The following ACOXL variants were observed in gnomAD, a reference collection of about 807,000 sequenced individuals.
ACOXL encodes the protein acyl-coenzyme A oxidase-like protein.
ACOXL carries 70 observed loss-of-function variants against 71.9 expected under a neutral mutation model. The ratio of observed to expected loss-of-function variants is 0.97; its 90% confidence interval spans 0.80 to 1.19. The LOEUF (loss-of-function observed/expected upper bound fraction) is 1.19. ACOXL is among the 50% of genes most tolerant of loss of function. ACOXL has a pLI of 0.00. For missense variants in ACOXL, 703 were observed against 736.3 expected (o/e 0.95, Z 0.52); for synonymous variants, 253 against 281.6 (o/e 0.90, Z 1.02).
At chr2:111,003,540 G>A (rs1436935987) in intron 14 of ACOXL, among the ~76,000 whole-genome samples, 1 of 69,320 alleles carries the variant, frequency 1.4e-5, no homozygotes, top group Non-Finnish European at 2.6e-5. Flanking sequence ...GACAGGGCGA[G>A]ACTCTGTCTC....
intron 3 of ACOXL, among the ~76,000 whole-genome samples, chr2:110,786,572 C>A (rs1683986288): frequency 6.6e-6 from 1 of 152,208 alleles, no homozygotes; most frequent in African/African-American, 2.4e-5. Context: ...CCATGTTGCA[C>A]CCCCACCCTA....
intron 11 of ACOXL, among the ~76,000 whole-genome samples, chr2:110,919,517 T>G (rs1352247722): frequency 6.6e-6 from 1 of 152,072 alleles, no homozygotes; most frequent in Non-Finnish European, 1.5e-5. Context: ...GTAACAAACC[T>G]GCATATTCTG....
chr2:111,088,278 C>A (rs1020321306), intron 16 of ACOXL, among the ~76,000 whole-genome samples: 29 of 152,216 alleles, frequency 1.9e-4, no homozygotes, highest in Non-Finnish European at 1.6e-4. Context: ...TTCAACCCAG[C>A]AATCCCACTA....
chr2:111,064,157 C>T (rs998958715), intron 16 of ACOXL, among the ~76,000 whole-genome samples: 1 of 152,104 alleles, frequency 6.6e-6, no homozygotes, highest in African/African-American at 2.4e-5. Flanking sequence ...ATGTAGTAGG[C>T]GGGGCACAGT....
chr2:111,057,931 T>C (rs2066626845), intron 16 of ACOXL, among the ~76,000 whole-genome samples: 1 of 152,018 alleles, frequency 6.6e-6, no homozygotes, highest in Non-Finnish European at 1.5e-5. Flanking sequence ...CGCCCAGGCG[T>C]GGAGGGTGCA....
chr2:110,925,496 T>C (rs1275304308), intron 11 of ACOXL, among the ~76,000 whole-genome samples: 2 of 152,262 alleles, frequency 1.3e-5, no homozygotes. Flanking sequence ...AGATGGTGTC[T>C]TTCTTTAAAA....
chr2:110,734,627 C>A (rs1676610115), intron 1 of ACOXL, among the ~76,000 whole-genome samples: 1 of 152,074 alleles, frequency 6.6e-6, no homozygotes. Context: ...TCAGTCGCAT[C>A]TGATTAGACA....
chr2:110,942,360 A>G (rs1034919910), intron 12 of ACOXL, among the ~76,000 whole-genome samples: 2 of 152,242 alleles, frequency 1.3e-5, no homozygotes, highest in Admixed American at 1.3e-4. Flanking sequence ...TTAAAAATAA[A>G]TGGATGGGAA....
chr2:111,108,156 GATTAT>G (rs2069674798), intron 17 of ACOXL, among the ~76,000 whole-genome samples: 1 of 152,048 alleles, frequency 6.6e-6, no homozygotes, highest in Admixed American at 6.6e-5. Context: ...TTCTTTAAGA[GATTAT>G]ATTATTATAT....
rs112573851 is a variant in ACOXL, at chr2:111,032,057, G to A, written c.1369+343G>A. Among the ~76,000 whole-genome samples the A allele has an allele frequency of 5.8e-4, 89 of 152,286 alleles. 1 individual carries two copies. The highest frequency in any genetic ancestry group is 1.0e-3 in the Non-Finnish European group (69 of 68,020). ...TGGCCCTCTGCCTGACCATGATCTC[G>A]TTCCTAAACGGGAGGGTGTGCACAC... is the stretch of plus-strand genomic sequence containing the variant. On this transcript the variant is annotated intron_variant, in intron 15 of 17. Coordinates refer to ENST00000439055, the MANE Select transcript of ACOXL (RefSeq NM_001142807.4).
chr2:111,014,647 G>A (rs539623096), intron 14 of ACOXL, among the ~76,000 whole-genome samples: 1 of 152,308 alleles, frequency 6.6e-6, no homozygotes, highest in African/African-American at 2.4e-5. Flanking sequence ...ATGGAAATGT[G>A]AATGGCCTAA....
intron 11 of ACOXL, among the ~76,000 whole-genome samples, chr2:110,912,185 A>G (rs1386419679): frequency 6.6e-6 from 1 of 152,114 alleles, no homozygotes; most frequent in African/African-American, 2.4e-5. Flanking sequence ...TAAGGTGACT[A>G]TACTCCCTAA....
At chr2:110,893,519 T>C (rs1030561784) in intron 10 of ACOXL, among the ~76,000 whole-genome samples, 1 of 152,166 alleles carries the variant, frequency 6.6e-6, no homozygotes, top group East Asian at 1.9e-4. Context: ...AAAATTGATA[T>C]AATCTTTCTG....
chr2:110,808,921 T>C (rs1686985519), intron 9 of ACOXL, among the ~76,000 whole-genome samples: 1 of 152,220 alleles, frequency 6.6e-6, no homozygotes, highest in Non-Finnish European at 1.5e-5. Flanking sequence ...TGCTGTGTGT[T>C]CAGCTTCACA....
At chr2:111,084,563 T>C (rs2068105558) in intron 16 of ACOXL, among the ~76,000 whole-genome samples, 2 of 152,178 alleles carry the variant, frequency 1.3e-5, no homozygotes, top group Admixed American at 1.3e-4. Flanking sequence ...ATCTTCTCTC[T>C]GAAGCAACAT....
intron 16 of ACOXL, among the ~76,000 whole-genome samples, chr2:111,077,809 G>A (rs1222925661): frequency 5.3e-5 from 8 of 152,122 alleles, no homozygotes; most frequent in Admixed American, 3.9e-4. Context: ...GAGGTAATGC[G>A]TCAGTTTTTC....
At chr2:111,060,898 T>C (rs1330151646) in intron 16 of ACOXL, among the ~76,000 whole-genome samples, 1 of 152,022 alleles carries the variant, frequency 6.6e-6, no homozygotes, top group Non-Finnish European at 1.5e-5. Flanking sequence ...GTAGATGGGC[T>C]CAACAGCAGA....
rs2070492932 is a variant in ACOXL, at chr2:111,118,405, CAAG to C, written c.*592_*594del. ...GCCTAGAGTTTTGCTCTCGGCAAAA[CAAG>C]AACTCGGCTTGTCCTCCCAGGCCGG... On this transcript the variant is annotated 3_prime_UTR_variant, in exon 18 of 18. Transcript: ENST00000439055. Among the ~76,000 whole-genome samples the C allele has an allele frequency of 1.3e-5, 2 of 152,332 alleles. No homozygotes were observed. Among genetic ancestry groups the C allele is most frequent in the South Asian group, 4.1e-4 (2 of 4,830 alleles).
chr2:111,103,347 G>A (rs1046196830), intron 17 of ACOXL, among the ~76,000 whole-genome samples: 3 of 151,936 alleles, frequency 2.0e-5, no homozygotes, highest in African/African-American at 7.2e-5. Flanking sequence ...GCATGTAGGG[G>A]TGACCGCATT....
Sources: allele counts gnomAD v4.1 joint callset (sites outside exome capture counted in the v4.1 genomes callset), GRCh38; gene constraint gnomAD v4.1.1; transcripts MANE v1.5; gene names NCBI Gene and HGNC (gene_info 2026-07-23, HGNC 2026-07-21).